Variants in KCNQ1OT1 observed in about 807,000 individuals in gnomAD.
The protein encoded by KCNQ1OT1 is KCNQ1 opposite strand/antisense transcript 1.
rs962669049 is a variant in KCNQ1OT1 at position 2,687,193 on chromosome 11, T to G, written n.12802A>C. The G allele has an allele frequency of 2.0e-5, 8 of 398,636 alleles. No individual in the cohort carries two copies. Among genetic ancestry groups the G allele is most frequent in the African/African-American group, 1.6e-4 (8 of 48,750 alleles). 24.7% of individuals were successfully genotyped at this position (398,636 alleles called of 1,614,324 possible). A position where few individuals can be genotyped will look rare whatever the true frequency, so the allele number is the denominator to read the frequency against. On this transcript the variant is annotated non_coding_transcript_exon_variant, in exon 1 of 1. Transcript: ENST00000597346. This position sits in a 1 kb window ranked among gnomAD's most constrained non-coding sequence, Gnocchi z 5.0. ...AAGTCTGCCAAAAGCCCAGGCTGGATAGGGAGCATCACACTGTTGGGAAAT... is the reference window on the plus strand; with the variant it reads ...AAGTCTGCCAAAAGCCCAGGCTGGAGAGGGAGCATCACACTGTTGGGAAAT...
At chr11:2,630,898 A>T in exon 1 of KCNQ1OT1, 1 of 398,550 alleles carries the variant, frequency 2.5e-6, no homozygotes, top group East Asian at 3.6e-5. Flanking sequence ...CTTTGAATAT[A>T]TAATCCTATT....
Position 2,661,922 on chromosome 11 carries a change from T to A in KCNQ1OT1, n.38073A>T. ...GGCTCCACAGCACTGGCAGGTTGGG[T>A]GGGAGGCCTAACGTGCTGTCCCCAC... is the stretch of plus-strand genomic sequence containing the variant. On this transcript the variant is annotated non_coding_transcript_exon_variant, in exon 1 of 1. Transcript: ENST00000597346. The surrounding 1 kb of genome is among the most constrained non-coding windows in gnomAD (Gnocchi z 5.9). 6.2e-7 allele frequency: 1 copy of A among 1,613,148 alleles called. No homozygotes were observed. Among genetic ancestry groups the A allele is most frequent in the Non-Finnish European group, 8.5e-7 (1 of 1,179,842 alleles).
exon 1 of KCNQ1OT1, chr11:2,684,063 A>G (rs1850444644): frequency 2.5e-6 from 1 of 398,236 alleles, no homozygotes; most frequent in Non-Finnish European, 4.4e-6. Context: ...CATTGTTTAG[A>G]GTAAATAATT....
exon 1 of KCNQ1OT1, chr11:2,629,933 C>A: frequency 2.5e-6 from 1 of 398,340 alleles, no homozygotes; most frequent in Non-Finnish European, 4.4e-6. Context: ...TGCCCAATTC[C>A]TCTGGCTAGG....
rs1850033938 is a variant in KCNQ1OT1, at chr11:2,664,761, CA to C, written n.35233del. On this transcript the variant is annotated non_coding_transcript_exon_variant, in exon 1 of 1. Transcript: ENST00000597346. The surrounding 1 kb of genome is among the most constrained non-coding windows in gnomAD (Gnocchi z 5.1). ...GACAGGGATGTGTGCTGGGGTCTCA[CA>C]GGGGGCAGAGTGGGTGGGAGGCAGT... 2.5e-6 allele frequency: 1 copy of C among 398,764 alleles called. No individual in the cohort carries two copies. Among genetic ancestry groups the C allele is most frequent in the Non-Finnish European group, 4.4e-6 (1 of 226,188 alleles). 24.7% of individuals were successfully genotyped at this position (398,764 alleles called of 1,614,324 possible).
rs1416586260 is a variant in KCNQ1OT1 at position 2,659,607 on chromosome 11, TTGGG to T, written n.40384_40387del. ...TTGCGAACATAAAAATTCAATTCAC[TTGGG>T]TGGGAAAGGAACCGATAGGTCATGT... On this transcript the variant is annotated non_coding_transcript_exon_variant, in exon 1 of 1. Transcript: ENST00000597346. This position sits in a 1 kb window ranked among gnomAD's most constrained non-coding sequence, Gnocchi z 4.3. The T allele has an allele frequency of 2.5e-6, 1 of 398,426 alleles. No individual in the cohort carries two copies. Among genetic ancestry groups the T allele is most frequent in the Non-Finnish European group, 4.4e-6 (1 of 226,034 alleles). 24.7% of individuals were successfully genotyped at this position (398,426 alleles called of 1,614,324 possible). A position where few individuals can be genotyped will look rare whatever the true frequency, so the allele number is the denominator to read the frequency against.
rs1392419058 is a variant in KCNQ1OT1 at position 2,623,334 on chromosome 11, A to G, written n.76661T>C. On this transcript the variant is annotated non_coding_transcript_exon_variant, in exon 1 of 1. Transcript: ENST00000597346. The surrounding 1 kb of genome is among the most constrained non-coding windows in gnomAD (Gnocchi z 5.2). The stretch of plus-strand genomic sequence containing the variant: ...TGTGAGAACGGACTAATATGCATGT[A>G]TCTACCATTATAGTATCATACAGAT... 5.0e-6 allele frequency: 2 copies of G among 398,542 alleles called. No individual in the cohort carries two copies. The highest frequency in any genetic ancestry group is 8.8e-6 in the Non-Finnish European group (2 of 226,074). The allele number at this position is 398,542 out of a possible 1,614,324, so 24.7% of individuals were successfully genotyped here. A position where few individuals can be genotyped will look rare whatever the true frequency, so the allele number is the denominator to read the frequency against.
chr11:2,651,690 T>C lies in KCNQ1OT1; in HGVS notation n.48305A>G, dbSNP rs1286211677. 5.0e-6 allele frequency: 2 copies of C among 398,552 alleles called. No individual in the cohort carries two copies. The highest frequency in any genetic ancestry group is 3.6e-5 in the East Asian group (1 of 28,092). 24.7% of individuals were successfully genotyped at this position (398,552 alleles called of 1,614,324 possible). A position where few individuals can be genotyped will look rare whatever the true frequency, so the allele number is the denominator to read the frequency against. The stretch of plus-strand genomic sequence containing the variant: ...ATTAGCCACGTGGCCCTCTGTTTCC[T>C]GTAATAGGCCATTTCCTAAGTAAGC... On this transcript the variant is annotated non_coding_transcript_exon_variant, in exon 1 of 1. Coordinates refer to ENST00000597346, the Ensembl canonical transcript of KCNQ1OT1. The surrounding 1 kb of genome is among the most constrained non-coding windows in gnomAD (Gnocchi z 6.1).
exon 1 of KCNQ1OT1, chr11:2,667,218 T>A: frequency 2.5e-6 from 1 of 398,638 alleles, no homozygotes; most frequent in Non-Finnish European, 4.4e-6. Flanking sequence ...CCCCTAACCT[T>A]TCCAAACTTC....
chr11:2,697,945 T>C, exon 1 of KCNQ1OT1: 1 of 398,656 alleles, frequency 2.5e-6, no homozygotes, highest in Non-Finnish European at 4.4e-6. Context: ...AGGAAACACA[T>C]TAAAATACAC....
At position 2,659,991 on chromosome 11, in the gene KCNQ1OT1, G is replaced by A; in HGVS notation, n.40004C>T. The A allele has an allele frequency of 2.5e-6, 1 of 398,354 alleles. No homozygotes were observed. Among genetic ancestry groups the A allele is most frequent in the Non-Finnish European group, 4.4e-6 (1 of 225,966 alleles). The allele number at this position is 398,354 out of a possible 1,614,324, so 24.7% of individuals were successfully genotyped here. On this transcript the variant is annotated non_coding_transcript_exon_variant, in exon 1 of 1. Coordinates refer to ENST00000597346, the Ensembl canonical transcript of KCNQ1OT1. This position sits in a 1 kb window ranked among gnomAD's most constrained non-coding sequence, Gnocchi z 4.3. ...AATATTCTTTCCAAGTCTGTGCTTT[G>A]TCTTTTCATTCCATTAGCAGTGTCT...
rs868204579 is a variant in KCNQ1OT1, at chr11:2,617,110, T to C, written n.82885A>G. ...GTGAGAAAAGCTATGATCTACTCAATTGGCAAAAATTCCAAATGCAATATA... is the reference window on the plus strand; with the variant it reads ...GTGAGAAAAGCTATGATCTACTCAACTGGCAAAAATTCCAAATGCAATATA... On this transcript the variant is annotated non_coding_transcript_exon_variant, in exon 1 of 1. Transcript: ENST00000597346. This position sits in a 1 kb window ranked among gnomAD's most constrained non-coding sequence, Gnocchi z 4.6. The C allele has an allele frequency of 2.5e-5, 10 of 398,192 alleles. No individual in the cohort carries two copies. In the South Asian group the frequency reaches 5.1e-4, roughly 20 times the overall value. 24.7% of individuals were successfully genotyped at this position (398,192 alleles called of 1,614,324 possible). A position where few individuals can be genotyped will look rare whatever the true frequency, so the allele number is the denominator to read the frequency against.
chr11:2,656,058 T>G (rs1849841403), exon 1 of KCNQ1OT1: 1 of 398,554 alleles, frequency 2.5e-6, no homozygotes, highest in Non-Finnish European at 4.4e-6. Context: ...CCCTTGGCCC[T>G]CAGGCTTTGG....
chr11:2,663,647 G>A lies in KCNQ1OT1; in HGVS notation n.36348C>T, dbSNP rs1211846465. The A allele has an allele frequency of 5.0e-6, 2 of 398,582 alleles. No individual in the cohort carries two copies. The highest frequency in any genetic ancestry group is 8.8e-6 in the Non-Finnish European group (2 of 226,110). The allele number at this position is 398,582 out of a possible 1,614,324, so 24.7% of individuals were successfully genotyped here. On this transcript the variant is annotated non_coding_transcript_exon_variant, in exon 1 of 1. Transcript: ENST00000597346. This position sits in a 1 kb window ranked among gnomAD's most constrained non-coding sequence, Gnocchi z 5.2. ...TCCAGACATGCAAAAAGTCCTACTG[G>A]GAGGAGAGGGCCATCACCCACAGTC...
At chr11:2,639,349 A>G (rs569380370) in exon 1 of KCNQ1OT1, 1 of 152,086 alleles carries the variant, frequency 6.6e-6, no homozygotes, top group East Asian at 1.9e-4. Context: ...GGTTTTATCT[A>G]CCTTTGGTCT....
Position 2,661,680 on chromosome 11 carries a change from GGA to G in KCNQ1OT1, n.38313_38314del. On this transcript the variant is annotated non_coding_transcript_exon_variant, in exon 1 of 1. Transcript: ENST00000597346. The surrounding 1 kb of genome is among the most constrained non-coding windows in gnomAD (Gnocchi z 5.9). ...GGAAGAGGCCCAGAACCTGAGGTGG[GGA>G]GAGTCTTGGACACCTGAGCACAGCC... The G allele has an allele frequency of 1.7e-6, 1 of 598,506 alleles. No homozygotes were observed. Among genetic ancestry groups the G allele is most frequent in the Non-Finnish European group, 3.0e-6 (1 of 335,594 alleles). The allele number at this position is 598,506 out of a possible 1,614,324, so 37.1% of individuals were successfully genotyped here. A position where few individuals can be genotyped will look rare whatever the true frequency, so the allele number is the denominator to read the frequency against.
rs942641044 is a variant in KCNQ1OT1 at position 2,651,674 on chromosome 11, G to A, written n.48321C>T. 2.0e-5 allele frequency: 8 copies of A among 398,492 alleles called. No individual in the cohort carries two copies. The highest frequency in any genetic ancestry group is 6.2e-5 in the African/African-American group (3 of 48,604). The allele number at this position is 398,492 out of a possible 1,614,324, so 24.7% of individuals were successfully genotyped here. A position where few individuals can be genotyped will look rare whatever the true frequency, so the allele number is the denominator to read the frequency against. On this transcript the variant is annotated non_coding_transcript_exon_variant, in exon 1 of 1. Transcript: ENST00000597346. The surrounding 1 kb of genome is among the most constrained non-coding windows in gnomAD (Gnocchi z 6.1). ...CCCACAGCTCACTGACATTAGCCAC[G>A]TGGCCCTCTGTTTCCTGTAATAGGC...
At chr11:2,662,746 T>C in exon 1 of KCNQ1OT1, 1 of 399,726 alleles carries the variant, frequency 2.5e-6, no homozygotes, top group Non-Finnish European at 4.4e-6. Flanking sequence ...CACAGTCCCA[T>C]TCTGGCTGCT....
Position 2,673,918 on chromosome 11 carries a change from G to C in KCNQ1OT1, n.26077C>G, listed in dbSNP as rs1029271515. 1 of 370,678 alleles carries C rather than the reference G, an allele frequency of 2.7e-6. No individual in the cohort carries two copies. The highest frequency in any genetic ancestry group is 4.8e-6 in the Non-Finnish European group (1 of 209,156). 23.0% of individuals were successfully genotyped at this position (370,678 alleles called of 1,614,324 possible). A position where few individuals can be genotyped will look rare whatever the true frequency, so the allele number is the denominator to read the frequency against. On this transcript the variant is annotated non_coding_transcript_exon_variant, in exon 1 of 1. Transcript: ENST00000597346. The surrounding 1 kb of genome is among the most constrained non-coding windows in gnomAD (Gnocchi z 4.5). Reference sequence around the variant, plus strand: ...TGGGAGCTCAGCTCACCGGGTGCTAGACAAGGGAGTGTGTCTCTTTCCCCA... The same window carrying C: ...TGGGAGCTCAGCTCACCGGGTGCTACACAAGGGAGTGTGTCTCTTTCCCCA...
Sources: allele counts gnomAD v4.1 joint callset, GRCh38; gene constraint gnomAD v4.1.1; non-coding constraint Gnocchi (gnomAD v3.1); transcripts MANE v1.5; gene names NCBI Gene and HGNC (gene_info 2026-07-23, HGNC 2026-07-21).